Variants in ATP8A2 observed in about 807,000 individuals in gnomAD.
The protein encoded by ATP8A2 is phospholipid-transporting ATPase IB.
In ATP8A2, 100 loss-of-function variants were observed where a neutral mutation model predicts 165.6. The ratio of observed to expected loss-of-function variants is 0.60; its 90% CI spans 0.51 to 0.71. The LOEUF (loss-of-function observed/expected upper bound fraction) is 0.71, where lower values mean the gene tolerates loss of function less well. ATP8A2 is among the 30% of genes least tolerant of loss of function. The pLI is 0.00. For synonymous variants in ATP8A2, 543 were observed against 548.8 expected (o/e 0.99, Z 0.15); for missense variants, 1,227 against 1,479.5 (o/e 0.83, Z 2.80).
chr13:25,687,800 T>TA (rs1417880653), intron 24 of ATP8A2, among the ~76,000 whole-genome samples: 1 of 152,216 alleles, frequency 6.6e-6, no homozygotes, highest in East Asian at 1.9e-4. Context: ...GCAGAGGTGA[T>TA]ACCACAGGCA....
chr13:25,743,909 G>A (rs956572569), intron 25 of ATP8A2, among the ~76,000 whole-genome samples: 1 of 152,142 alleles, frequency 6.6e-6, no homozygotes, highest in African/African-American at 2.4e-5. Context: ...GACTGCTCTG[G>A]GAAAGAGTAT....
chr13:25,982,306 C>T (rs554012585), intron 35 of ATP8A2, among the ~76,000 whole-genome samples: 5 of 152,308 alleles, frequency 3.3e-5, no homozygotes, highest in African/African-American at 1.2e-4. Flanking sequence ...ACTGAAGACT[C>T]GCCTGTGACA....
At chr13:25,479,030 TAG>T (rs2036079207) in intron 2 of ATP8A2, among the ~76,000 whole-genome samples, 1 of 152,242 alleles carries the variant, frequency 6.6e-6, no homozygotes, top group Admixed American at 6.5e-5. Context: ...TGTATTTTAG[TAG>T]AGACGGGGTT....
At chr13:25,377,836 T>A (rs145430647) in intron 1 of ATP8A2, among the ~76,000 whole-genome samples, 36 of 152,116 alleles carry the variant, frequency 2.4e-4, no homozygotes, top group African/African-American at 8.2e-4. Context: ...AGTACTTGAA[T>A]GGCCAAGCCT....
intron 24 of ATP8A2, among the ~76,000 whole-genome samples, chr13:25,606,622 T>C (rs904440134): frequency 1.3e-5 from 2 of 152,190 alleles, no homozygotes; most frequent in South Asian, 2.1e-4. Context: ...ATTCAGGTAC[T>C]TTTGCCCCTT....
chr13:25,927,182 G>A (rs764366133), intron 33 of ATP8A2: 69 of 456,562 alleles, frequency 1.5e-4, no homozygotes, highest in South Asian at 9.1e-4. Flanking sequence ...GCTGCACGGC[G>A]GGTCCCTGTG....
intron 2 of ATP8A2, among the ~76,000 whole-genome samples, chr13:25,506,816 T>C (rs961711460): frequency 6.6e-6 from 1 of 152,034 alleles, no homozygotes; most frequent in African/African-American, 2.4e-5. Context: ...TTGTGTACAT[T>C]GAACCATCAG....
intron 27 of ATP8A2, among the ~76,000 whole-genome samples, chr13:25,808,722 A>G (rs1446618854): frequency 1.3e-5 from 2 of 152,032 alleles, no homozygotes; most frequent in African/African-American, 2.4e-5. Flanking sequence ...GGCTTGAGGT[A>G]CTGTGCCTGG....
intron 1 of ATP8A2, among the ~76,000 whole-genome samples, chr13:25,429,371 TAAAAAAAAAAAAAAAA>T: frequency 7.9e-6 from 1 of 126,048 alleles, no homozygotes; most frequent in African/African-American, 3.6e-5. Context: ...GACTCCATCT[TAAAAAAAAAAAAAAAA>T]AAAAAAAAAA....
chr13:25,429,746 C>T (rs377172136), intron 1 of ATP8A2, among the ~76,000 whole-genome samples: 4 of 152,178 alleles, frequency 2.6e-5, no homozygotes, highest in African/African-American at 9.7e-5. Context: ...AAGGCCTTGT[C>T]TGATGCGCTG....
chr13:25,719,244 C>T (rs899817916), intron 25 of ATP8A2, among the ~76,000 whole-genome samples: 1 of 152,072 alleles, frequency 6.6e-6, no homozygotes, highest in Non-Finnish European at 1.5e-5. Flanking sequence ...ACTCATTCTC[C>T]TTTGGGGATT....
chr13:25,587,234 A>G (rs1487149974), intron 23 of ATP8A2, among the ~76,000 whole-genome samples: 5 of 152,238 alleles, frequency 3.3e-5, no homozygotes, highest in African/African-American at 1.2e-4. Context: ...TTAAGCCACA[A>G]TTAACTGGGT....
At chr13:25,960,854 G>A (rs12429556) in intron 33 of ATP8A2, among the ~76,000 whole-genome samples, 108,534 of 151,938 alleles carry the variant, frequency 0.71, 40,035 homozygotes, top group East Asian at 1. Context: ...GGAAGTCTTG[G>A]AAGCTGCACT....
At chr13:25,565,768 A>T (rs1409161299) in intron 16 of ATP8A2, among the ~76,000 whole-genome samples, 10 of 150,684 alleles carry the variant, frequency 6.6e-5, no homozygotes, top group South Asian at 2.1e-4. Flanking sequence ...TTTTTATCAC[A>T]TTTTTTTTTA....
intron 1 of ATP8A2, among the ~76,000 whole-genome samples, chr13:25,391,475 T>A (rs1036191552): frequency 1.3e-5 from 2 of 152,202 alleles, no homozygotes; most frequent in African/African-American, 4.8e-5. Context: ...AAGTTAAAAA[T>A]CATAATCCCT....
chr13:25,662,803 G>A (rs1274303573), intron 24 of ATP8A2, among the ~76,000 whole-genome samples: 2 of 152,190 alleles, frequency 1.3e-5, no homozygotes, highest in Non-Finnish European at 2.9e-5. Context: ...TGTGCTGAAG[G>A]TGTCTTTGGG....
intron 2 of ATP8A2, among the ~76,000 whole-genome samples, chr13:25,488,335 C>T (rs146422457): frequency 3.3e-5 from 5 of 152,310 alleles, no homozygotes; most frequent in Admixed American, 6.5e-5. Context: ...TCTTCCTCCC[C>T]GTGCCCCTGG....
At chr13:25,583,964 T>A (rs1278035093) in intron 23 of ATP8A2, among the ~76,000 whole-genome samples, 1 of 152,220 alleles carries the variant, frequency 6.6e-6, no homozygotes, top group Non-Finnish European at 1.5e-5. Context: ...AGCTGAGGAC[T>A]TTTTGTCAAA....
intron 25 of ATP8A2, among the ~76,000 whole-genome samples, chr13:25,716,408 G>A (rs927064230): frequency 1.3e-5 from 2 of 152,150 alleles, no homozygotes; most frequent in African/African-American, 4.8e-5. Context: ...CTGAGATCAT[G>A]AAGATTTACT....
Sources: gnomAD v4.1 joint callset for allele counts (sites outside exome capture counted in the v4.1 genomes callset) on GRCh38, gnomAD v4.1.1 for gene constraint, MANE v1.5 for transcripts, NCBI Gene and HGNC (gene_info 2026-07-23, HGNC 2026-07-21) for gene names.